TPM2: variants seen among roughly 807,000 people sequenced by gnomAD.
TPM2 encodes tropomyosin beta chain.
Under a neutral mutation model 41.0 loss-of-function variants are expected in TPM2, and 26 were observed. The ratio of observed to expected loss-of-function variants is 0.63; its 90% confidence interval spans 0.46 to 0.88. The LOEUF is 0.88. TPM2 is among the 40% of genes least tolerant of loss of function. TPM2 has a pLI of 0.00. For synonymous variants in TPM2, 143 were observed against 139.3 expected, an observed-to-expected ratio of 1.03 and a Z score of -0.19; for missense variants, 187 against 355.2, an observed-to-expected ratio of 0.53 and a Z score of 3.81.
At chr9:35,689,004 C>A in intron 2 of TPM2, 142 bp downstream of exon 2, 2 of 987,704 alleles carry the variant, frequency 2.0e-6, no homozygotes, top group Non-Finnish European at 3.2e-6. Context: ...TTACCCTAGC[C>A]CTGGTTACTG....
intron 2 of TPM2, among the ~76,000 whole-genome samples, chr9:35,687,448 C>T (rs1468245146): frequency 6.6e-6 from 1 of 151,962 alleles, no homozygotes; most frequent in African/African-American, 2.4e-5. Flanking sequence ...GAGAGAGGAC[C>T]TGTGTAGGGA....
Position 35,689,251 on chromosome 9 carries a change from G to A in TPM2, c.135C>T (p.Ala45=). 6.2e-7 allele frequency: 1 copy of A among 1,614,176 alleles called. No individual in the cohort carries two copies. ...CTGTCCCCTTCAGCTTCTTCTGGAG[G>A]GCCTGCTGCTCCTCCTCCAGCTGGG... is the stretch of plus-strand genomic sequence containing the variant. ...RCKQLEEEQQ[A]LQKKLKGTED... is the part of the protein sequence containing the mutation. Residue 45 remains alanine, a synonymous_variant, in exon 2 of 9, where the codon GCC becomes GCT. Coordinates refer to ENST00000645482, the MANE Select transcript of TPM2 (RefSeq NM_003289.4).
downstream of TPM2, chr9:35,682,928 G>T: frequency 4.7e-6 from 7 of 1,500,640 alleles, no homozygotes; most frequent in Non-Finnish European, 6.3e-6. Flanking sequence ...AAACAGCATG[G>T]AGACCAAGTT....
intron 2 of TPM2, among the ~76,000 whole-genome samples, chr9:35,687,057 C>T (rs1293438104): frequency 2.6e-5 from 4 of 152,176 alleles, no homozygotes; most frequent in Non-Finnish European, 5.9e-5. Context: ...CCTCTCTAAG[C>T]TTCAGTTTCC....
chr9:35,684,702 C>T (rs755832190), intron 6 of TPM2, 30 bp downstream of exon 6: 1 of 1,614,170 alleles, frequency 6.2e-7, no homozygotes, highest in South Asian at 1.1e-5. Context: ...TGTGGGACCC[C>T]ATCCTCACTG....
Position 35,683,245 on chromosome 9 carries a change from G to C in TPM2, c.773-4C>G. ...ATCTTCTGGGCATAGACTTCATCTG[G>C]GGGGGGTCCAGGGAGGGGACCAGGT... On this transcript the variant is annotated splice_polypyrimidine_tract_variant and splice_region_variant and intron_variant, in intron 8 of 8. Coordinates refer to ENST00000645482, the MANE Select transcript of TPM2 (RefSeq NM_003289.4). The C allele has an allele frequency of 6.5e-7, 1 of 1,549,750 alleles. No individual in the cohort carries two copies. Among genetic ancestry groups the C allele is most frequent in the Non-Finnish European group, 8.7e-7 (1 of 1,146,788 alleles).
rs537297747 is a variant in TPM2 at position 35,689,695 on chromosome 9, G to A, written c.114+9C>T. 13 of 1,612,792 alleles carry A rather than the reference G, an allele frequency of 8.1e-6. No individual in the cohort carries two copies. The highest frequency in any genetic ancestry group is 6.7e-5 in the Admixed American group (4 of 60,018). The stretch of plus-strand genomic sequence containing the variant: ...GGGGAGAGCAGGCTGCACTGGGCCC[G>A]GCCCTAACCTGCTTGCAGCGGTCCT... On this transcript the variant is annotated intron_variant, in intron 1 of 8. Coordinates refer to ENST00000645482, the MANE Select transcript of TPM2 (RefSeq NM_003289.4).
intron 5 of TPM2, 59 bp from the exon 6 acceptor site, chr9:35,684,866 G>A (rs1563928260): frequency 1.2e-6 from 2 of 1,613,846 alleles, no homozygotes; most frequent in Non-Finnish European, 8.5e-7. Flanking sequence ...GCCAGACAGT[G>A]GAGATGGCAC....
At position 35,686,211 on chromosome 9, in the gene TPM2, C is replaced by T; in HGVS notation, c.241-431G>A. The T allele has an allele frequency of 3.4e-5, 9 of 266,372 alleles. No individual in the cohort carries two copies. The South Asian group carries it at 3.7e-4, about 11-fold the overall frequency. 16.5% of individuals were successfully genotyped at this position (266,372 alleles called of 1,614,324 possible). On this transcript the variant is annotated intron_variant, in intron 2 of 8. Transcript: ENST00000645482. ...GTTGCAGTGAGCTGAGGTCGTGCCACTGCACTCCAGCCTGGGTAAAAAGAA... is the reference window on the plus strand; with the variant it reads ...GTTGCAGTGAGCTGAGGTCGTGCCATTGCACTCCAGCCTGGGTAAAAAGAA...
At position 35,687,959 on chromosome 9, in the gene TPM2, T is replaced by C. The variant is rs568326282; in HGVS notation, c.240+1187A>G. ...GGGAGAAACTGAGGCACCATGTAAG[T>C]TGAGTGCTGTGTTCAAGGTCACCAG... On this transcript the variant is annotated intron_variant, in intron 2 of 8. Transcript: ENST00000645482. Among the ~76,000 whole-genome samples, 7 of 152,016 alleles carry C rather than the reference T, an allele frequency of 4.6e-5. No homozygotes were observed. In the East Asian group the frequency reaches 1.4e-3, roughly 29 times the overall value.
rs561766008 is a variant in TPM2 at position 35,689,829 on chromosome 9, G to C, written c.-12C>G. The C allele has an allele frequency of 6.2e-7, 1 of 1,613,536 alleles. No homozygotes were observed. The highest frequency in any genetic ancestry group is 1.1e-5 in the South Asian group (1 of 91,086). ...TTGATGGCGTCCATGGCTGCGGTGG[G>C]GGGTGGGCCGGCCGGCAGGCGGTGA... On this transcript the variant is annotated 5_prime_UTR_variant, in exon 1 of 9. Coordinates refer to ENST00000645482, the MANE Select transcript of TPM2 (RefSeq NM_003289.4).
chr9:35,685,035 T>G lies in TPM2; in HGVS notation c.564-228A>C, dbSNP rs774864142. On this transcript the variant is annotated intron_variant, in intron 5 of 8. Transcript: ENST00000645482. The surrounding 1 kb of genome is among the most constrained non-coding windows in gnomAD (Gnocchi z 5.0). Reference sequence around the variant, plus strand: ...AAGGTGAGCTGAGAGAAGGCGCCATTGCCCAGAAAGGTTCAGAGGGGTCAC... The same window carrying G: ...AAGGTGAGCTGAGAGAAGGCGCCATGGCCCAGAAAGGTTCAGAGGGGTCAC... 1 of 1,614,102 alleles carries G rather than the reference T, an allele frequency of 6.2e-7. No individual in the cohort carries two copies. The highest frequency in any genetic ancestry group is 1.1e-5 in the South Asian group (1 of 91,088).
Position 35,683,166 on chromosome 9 carries a change from G to T in TPM2, c.848C>A (p.Ser283Tyr). Residue 283 changes from serine (S) to tyrosine (Y), a missense_variant, in exon 9 of 9, where the codon TCC becomes TAC. Coordinates refer to ENST00000645482, the MANE Select transcript of TPM2 (RefSeq NM_003289.4). ...GCCACGCTGGCGTGGGGCTCAGAGG[G>T]AGGTGATGTCATTGAGTGCGTTGTC... is the stretch of plus-strand genomic sequence containing the variant. ...ELDNALNDITSL is the reference protein window; with the variant it reads ...ELDNALNDITYL 6.4e-7 allele frequency: 1 copy of T among 1,555,004 alleles called. No individual in the cohort carries two copies. The highest frequency in any genetic ancestry group is 2.4e-5 in the East Asian group (1 of 41,194).
At chr9:35,683,478 G>T (rs919325016) in intron 8 of TPM2, among the ~76,000 whole-genome samples, 1 of 152,164 alleles carries the variant, frequency 6.6e-6, no homozygotes, top group Non-Finnish European at 1.5e-5. Context: ...ACCCATGGCA[G>T]CTCCTGCCTC....
chr9:35,683,206 T>C lies in TPM2; in HGVS notation c.808A>G (p.Ile270Val). ...VYAQKMKYKA[I>V]SEELDNALND... ...AGTGCGTTGTCCAGTTCCTCGCTAA[T>C]GGCCTTGTACTTCATCTTCTGGGCA... is the stretch of plus-strand genomic sequence containing the variant. The change falls in exon 9 of 9, where the codon ATT (isoleucine) becomes GTT (valine). Residue 270 changes from isoleucine to valine, a missense_variant. Physicochemically the swap from Ile to Val is conservative, Grantham distance 29 (BLOSUM62 3). Transcript: ENST00000645482. The C allele has an allele frequency of 6.5e-7, 1 of 1,546,954 alleles. No individual in the cohort carries two copies. The highest frequency in any genetic ancestry group is 8.8e-7 in the Non-Finnish European group (1 of 1,142,652).
At chr9:35,683,635 T>C (rs1378691681) in intron 8 of TPM2, among the ~76,000 whole-genome samples, 1 of 152,044 alleles carries the variant, frequency 6.6e-6, no homozygotes, top group Non-Finnish European at 1.5e-5. Context: ...GCGAGAGAAG[T>C]GGGAAAGTGA....
At chr9:35,688,091 C>A (rs1341845044) in intron 2 of TPM2, among the ~76,000 whole-genome samples, 1 of 152,042 alleles carries the variant, frequency 6.6e-6, no homozygotes, top group Non-Finnish European at 1.5e-5. Flanking sequence ...ACTTGGGTTT[C>A]CAATCTTGCC....
intron 2 of TPM2, among the ~76,000 whole-genome samples, chr9:35,686,902 A>G (rs1429079460): frequency 2.0e-5 from 3 of 152,332 alleles, no homozygotes; most frequent in African/African-American, 7.2e-5. Flanking sequence ...ACACTGAGAA[A>G]AAGGGCAGAG....
chr9:35,687,713 T>C (rs973366520), intron 2 of TPM2, among the ~76,000 whole-genome samples: 11 of 151,868 alleles, frequency 7.2e-5, no homozygotes, highest in Non-Finnish European at 1.6e-4. Context: ...TGGGGGACAT[T>C]GGAGTACTAC....
Sources: allele counts gnomAD v4.1 joint callset (sites outside exome capture counted in the v4.1 genomes callset), GRCh38; gene constraint gnomAD v4.1.1; non-coding constraint Gnocchi (gnomAD v3.1); transcripts MANE v1.5; gene names NCBI Gene and HGNC (gene_info 2026-07-23, HGNC 2026-07-21).